Variants in MYPN observed in about 807,000 individuals in gnomAD.
The protein encoded by MYPN is sarcomeric protein myopalladin, 145 kDa (MYOP).
Under a neutral mutation model 129.4 loss-of-function variants are expected in MYPN, and 63 were observed. That is an observed-to-expected ratio of 0.49 (90% CI 0.40 to 0.60). The LOEUF is 0.60. Among genes scored for constraint, MYPN ranks in the 20% least tolerant of loss-of-function variants. The probability of loss-of-function intolerance (pLI) is 0.00; values close to 1 mark genes in which losing one functional copy is unlikely to be tolerated. For missense variants in MYPN, 1,596 were observed against 1,635.4 expected (o/e 0.98, Z 0.42); for synonymous variants, 629 against 600.9 (o/e 1.05, Z -0.68).
In MYPN at chr10:68,199,383, C is replaced by T; in HGVS notation, c.3301C>T (p.Pro1101Ser). 1 of 1,613,966 alleles carries T rather than the reference C, an allele frequency of 6.2e-7. No individual in the cohort carries two copies. Among genetic ancestry groups the T allele is most frequent in the Non-Finnish European group, 8.5e-7 (1 of 1,179,922 alleles). The stretch of plus-strand genomic sequence containing the variant: ...TGTTTATTAGGTGAGTGGTTTACCG[C>T]CCCCGGAGCTGACATGGCTACTCAA... Reference protein sequence around the residue: ...RLDCKVSGLPPPELTWLLNGQ... With the variant: ...RLDCKVSGLPSPELTWLLNGQ... Residue 1101 changes from proline (P) to serine (S), a missense_variant, in exon 17 of 20, where the codon CCC becomes TCC. Pro to Ser is a moderately conservative substitution (Grantham distance 74, BLOSUM62 -1). Coordinates refer to ENST00000358913, the MANE Select transcript of MYPN (RefSeq NM_032578.4).
rs748061439 is a variant in MYPN at position 68,122,074 on chromosome 10, C to T, written c.636C>T (p.Pro212=). ...AAAGACGAGAAAGATCTTCTGTTCCCATCCCTATCCCTGCGGATACCAGGG... is the reference window on the plus strand; with the variant it reads ...AAAGACGAGAAAGATCTTCTGTTCCTATCCCTATCCCTGCGGATACCAGGG... ...LSERRERSSV[P]IPIPADTRDN... The change falls in exon 2 of 20, where the codon CCC becomes CCT. Residue 212 remains proline (P), a synonymous_variant. Transcript: ENST00000358913. The T allele has an allele frequency of 3.1e-6, 5 of 1,614,204 alleles. No homozygotes were observed. Among genetic ancestry groups the T allele is most frequent in the Middle Eastern group, 1.6e-4 (1 of 6,062 alleles).
chr10:68,172,559 T>A (rs922092457), intron 10 of MYPN, among the ~76,000 whole-genome samples: 1 of 152,164 alleles, frequency 6.6e-6, no homozygotes, highest in African/African-American at 2.4e-5. Flanking sequence ...ATAACTCTTT[T>A]GTGAAGAGAA....
rs1305844570 is a variant in MYPN at position 68,174,525 on chromosome 10, T to G, written c.2433T>G (p.Cys811Trp). 1.2e-6 allele frequency: 2 copies of G among 1,613,964 alleles called. No individual in the cohort carries two copies. The highest frequency in any genetic ancestry group is 2.7e-5 in the African/African-American group (2 of 74,914). The change falls in exon 11 of 20, where the codon TGT becomes TGG. Residue 811 changes from cysteine to tryptophan, a missense_variant. Coordinates refer to ENST00000358913, the MANE Select transcript of MYPN (RefSeq NM_032578.4). ...IPSGNQFQPR[C>W]VSPIPVSPTS... ...GCGGAAACCAGTTTCAGCCCCGCTGTGTGTCCCCAATTCCTGTCTCTCCTA... is the reference window on the plus strand; with the variant it reads ...GCGGAAACCAGTTTCAGCCCCGCTGGGTGTCCCCAATTCCTGTCTCTCCTA...
rs71009019 is a variant in MYPN, at chr10:68,182,471, TACAC to T, written c.2704-6410_2704-6407del. On this transcript the variant is annotated intron_variant, in intron 12 of 19. Coordinates refer to ENST00000358913, the MANE Select transcript of MYPN (RefSeq NM_032578.4). ...ATATAACATATATATATAACATATA[TACAC>T]ACACACACACACACACACACACATA... Among the ~76,000 whole-genome samples, 178 of 104,664 alleles carry T rather than the reference TACAC, an allele frequency of 1.7e-3. 2 individuals are homozygous for T. In the Middle Eastern group the frequency reaches 0.038, roughly 22 times the overall value. 68.7% of individuals were successfully genotyped at this position (104,664 alleles called of 152,430 possible).
chr10:68,107,799 A>G (rs1008389321), upstream of MYPN, among the ~76,000 whole-genome samples: 3 of 152,192 alleles, frequency 2.0e-5, no homozygotes, highest in Admixed American at 6.5e-5. Context: ...GGTGAAAGGT[A>G]GAATACCAGG....
At chr10:68,116,816 CT>C (rs2042164305) in intron 1 of MYPN, among the ~76,000 whole-genome samples, 2 of 152,296 alleles carry the variant, frequency 1.3e-5, no homozygotes, top group African/African-American at 4.8e-5. Context: ...TAAATTTTCA[CT>C]TGAAAGTCAT....
intron 1 of MYPN, among the ~76,000 whole-genome samples, chr10:68,111,460 A>G (rs1321385755): frequency 2.0e-5 from 3 of 152,192 alleles, no homozygotes; most frequent in Non-Finnish European, 4.4e-5. Context: ...AGATAACAAG[A>G]TAGAAAAATG....
intron 2 of MYPN, among the ~76,000 whole-genome samples, chr10:68,135,973 G>T (rs1221832595): frequency 1.3e-5 from 2 of 152,096 alleles, no homozygotes; most frequent in African/African-American, 4.8e-5. Context: ...GCTGGGGCAT[G>T]GTTAAAGAAA....
intron 18 of MYPN, among the ~76,000 whole-genome samples, chr10:68,202,885 G>T (rs1226656255): frequency 6.6e-6 from 1 of 152,090 alleles, no homozygotes; most frequent in Admixed American, 6.6e-5. Context: ...GGGTGTGGGG[G>T]TGTGCATTTT....
chr10:68,100,664 C>G (rs564789397), intron 1 of MYPN, among the ~76,000 whole-genome samples: 2 of 152,154 alleles, frequency 1.3e-5, no homozygotes, highest in South Asian at 2.1e-4. Flanking sequence ...TGTAAAAGTA[C>G]GAAAACACCT....
At chr10:68,169,416 T>A (rs1216148287) in intron 10 of MYPN, among the ~76,000 whole-genome samples, 1 of 151,650 alleles carries the variant, frequency 6.6e-6, no homozygotes, top group Non-Finnish European at 1.5e-5. Context: ...AGAATAGGAT[T>A]TGAGCATGGA....
chr10:68,098,636 G>A (rs531291340), intron 1 of MYPN, among the ~76,000 whole-genome samples: 9 of 151,982 alleles, frequency 5.9e-5, no homozygotes, highest in Middle Eastern at 3.4e-3. Flanking sequence ...ATGAGGTCAG[G>A]TGTTTGAGGC....
intron 13 of MYPN, among the ~76,000 whole-genome samples, chr10:68,193,106 T>C (rs187569301): frequency 6.6e-6 from 1 of 152,240 alleles, no homozygotes; most frequent in East Asian, 1.9e-4. Flanking sequence ...GATGCCTCTT[T>C]AGCTAATTTA....
At chr10:68,136,400 G>A in intron 2 of MYPN, 1 of 854,294 alleles carries the variant, frequency 1.2e-6, no homozygotes, top group Non-Finnish European at 1.5e-6. Flanking sequence ...CTAAAAACAT[G>A]CCACCGGTCA....
intron 12 of MYPN, among the ~76,000 whole-genome samples, chr10:68,188,111 T>A (rs2043450064): frequency 6.6e-6 from 1 of 152,122 alleles, no homozygotes; most frequent in Admixed American, 6.5e-5. Flanking sequence ...TTTTTTCTTT[T>A]TCTTTTCTTT....
rs566063148 is a variant in MYPN at position 68,130,983 on chromosome 10, G to T, written c.902+8643G>T. Among the ~76,000 whole-genome samples the T allele has an allele frequency of 3.9e-5, 6 of 152,160 alleles. No individual in the cohort carries two copies. In the South Asian group the frequency reaches 1.2e-3, roughly 32 times the overall value. On this transcript the variant is annotated intron_variant, in intron 2 of 19. Coordinates refer to ENST00000358913, the MANE Select transcript of MYPN (RefSeq NM_032578.4). ...TATTTTCCTGTGATTTATTTATCTC[G>T]CTATAATAGGCTTTTCACAGCTCTT...
chr10:68,127,075 C>T (rs577829115), intron 2 of MYPN, among the ~76,000 whole-genome samples: 51 of 152,290 alleles, frequency 3.3e-4, no homozygotes, highest in African/African-American at 1.2e-3. Context: ...ACCTCCACCT[C>T]CTGGGTTCAA....
intron 2 of MYPN, among the ~76,000 whole-genome samples, chr10:68,130,543 T>C (rs1158971568): frequency 6.6e-6 from 1 of 152,160 alleles, no homozygotes; most frequent in Non-Finnish European, 1.5e-5. Flanking sequence ...AAATATCCTC[T>C]TCTGGTTTCA....
chr10:68,114,066 T>G (rs1478173404), intron 1 of MYPN, among the ~76,000 whole-genome samples: 1 of 152,202 alleles, frequency 6.6e-6, no homozygotes, highest in Admixed American at 6.5e-5. Flanking sequence ...CCCAGATTTG[T>G]TTTCTCATTT....
Sources: gnomAD v4.1 joint callset for allele counts (sites outside exome capture counted in the v4.1 genomes callset) on GRCh38, gnomAD v4.1.1 for gene constraint, MANE v1.5 for transcripts, NCBI Gene and HGNC (gene_info 2026-07-23, HGNC 2026-07-21) for gene names.